The following TP53BP2 variants were observed in gnomAD, a reference collection of about 807,000 sequenced individuals.
The protein encoded by TP53BP2 is tumor protein p53 binding protein 2, also known as apoptosis-stimulating of p53 protein 2.
A neutral mutation model predicts 126.2 loss-of-function variants in TP53BP2; 62 were observed. The ratio of observed to expected loss-of-function variants is 0.49; its 90% confidence interval spans 0.40 to 0.61. TP53BP2 has a LOEUF of 0.61. Ranked by LOEUF, TP53BP2 falls within the 20% of genes least tolerant of loss-of-function variation. The probability of loss-of-function intolerance (pLI) is 0.00; values close to 1 mark genes in which losing one functional copy is unlikely to be tolerated. For synonymous variants in TP53BP2, 485 were observed against 502.9 expected, an observed-to-expected ratio of 0.96 and a Z score of 0.48; for missense variants, 1,215 against 1,402.8, an observed-to-expected ratio of 0.87 and a Z score of 2.14.
intron 1 of TP53BP2, among the ~76,000 whole-genome samples, chr1:223,831,097 CAAA>C (rs112287768): frequency 6.6e-6 from 1 of 150,998 alleles, no homozygotes. Flanking sequence ...GACTCTTTCT[CAAA>C]AAGCAGGCAG....
chr1:223,825,139 A>G (rs887164114), intron 1 of TP53BP2, among the ~76,000 whole-genome samples: 4 of 151,936 alleles, frequency 2.6e-5, no homozygotes, highest in African/African-American at 9.7e-5. Flanking sequence ...CATTTTTATT[A>G]TCTGCCTTTC....
chr1:223,794,055 G>T (rs115967863), intron 13 of TP53BP2, among the ~76,000 whole-genome samples: 2 of 151,954 alleles, frequency 1.3e-5, no homozygotes, highest in East Asian at 3.8e-4. Context: ...ATGCCTCCTC[G>T]GGGGAAAGCA....
At position 223,812,528 on chromosome 1, in the gene TP53BP2, G is replaced by A. The variant is rs12028843; in HGVS notation, c.289+1712C>T. Among the ~76,000 whole-genome samples the A allele has an allele frequency of 4.2e-3, 643 of 151,796 alleles. 25 individuals are homozygous for A. The East Asian group carries it at 0.1, about 25-fold the overall frequency. On this transcript the variant is annotated intron_variant, in intron 3 of 17. Transcript: ENST00000343537. ...CTCCCAAGTAGCTGGGATTACAGAC[G>A]CCCAGCTAATTTTTGTTTTTTGTTG...
At chr1:223,821,507 G>A in intron 1 of TP53BP2, 140 bp from the exon 2 acceptor site, 1 of 1,141,106 alleles carries the variant, frequency 8.8e-7, no homozygotes, top group Non-Finnish European at 1.3e-6. Context: ...CCCGGCCAAA[G>A]GTGAGGTGTG....
In TP53BP2 at chr1:223,795,803, T is replaced by C. The variant is rs1662297504; in HGVS notation, c.2724+12A>G. ...GACTCCGGAAAAGGCTATGAGATAG[T>C]ACATTACTTACAGGAGGCAGAGAGA... is the stretch of plus-strand genomic sequence containing the variant. On this transcript the variant is annotated intron_variant, in intron 13 of 17. Transcript: ENST00000343537. The C allele has an allele frequency of 6.6e-7, 1 of 1,512,092 alleles. No individual in the cohort carries two copies. Among genetic ancestry groups the C allele is most frequent in the Non-Finnish European group, 8.8e-7 (1 of 1,131,724 alleles). The allele number at this position is 1,512,092 out of a possible 1,614,324, so 93.7% of individuals were successfully genotyped here. A position where few individuals can be genotyped will look rare whatever the true frequency, so the allele number is the denominator to read the frequency against.
chr1:223,808,840 G>C (rs1662815020), intron 4 of TP53BP2, among the ~76,000 whole-genome samples: 1 of 151,316 alleles, frequency 6.6e-6, no homozygotes, highest in South Asian at 2.1e-4. Flanking sequence ...AAGAGACACA[G>C]AGAGCAAATA....
chr1:223,783,836 G>C (rs932292424), intron 17 of TP53BP2, among the ~76,000 whole-genome samples: 32 of 152,218 alleles, frequency 2.1e-4, no homozygotes, highest in African/African-American at 7.7e-4. Flanking sequence ...ATTGATTTCA[G>C]ATGTCACAGG....
At chr1:223,785,318 G>A (rs1161588561) in intron 16 of TP53BP2, among the ~76,000 whole-genome samples, 2 of 152,068 alleles carry the variant, frequency 1.3e-5, no homozygotes, top group East Asian at 3.8e-4. Flanking sequence ...TCTCACTCTG[G>A]GAAAAACTGA....
intron 1 of TP53BP2, among the ~76,000 whole-genome samples, chr1:223,830,013 A>G (rs1038837906): frequency 6.6e-5 from 10 of 152,216 alleles, no homozygotes; most frequent in African/African-American, 1.9e-4. Context: ...TCTAAAGCAT[A>G]CTTAAGAGCA....
At chr1:223,821,905 T>C (rs1054164528) in intron 1 of TP53BP2, among the ~76,000 whole-genome samples, 39 of 152,090 alleles carry the variant, frequency 2.6e-4, no homozygotes, top group African/African-American at 8.9e-4. Context: ...CTTTTTTTTT[T>C]TTTGGAGACA....
chr1:223,801,359 G>C (rs1375168978), intron 9 of TP53BP2, among the ~76,000 whole-genome samples: 2 of 152,196 alleles, frequency 1.3e-5, no homozygotes, highest in African/African-American at 4.8e-5. Context: ...TTGCTTCACA[G>C]TAGTAGTTAT....
intron 1 of TP53BP2, among the ~76,000 whole-genome samples, chr1:223,838,116 A>T (rs2102890435): frequency 6.6e-6 from 1 of 152,156 alleles, no homozygotes; most frequent in East Asian, 1.9e-4. Flanking sequence ...TCGCAGTCAC[A>T]TTACCCTTCT....
At position 223,796,501 on chromosome 1, in the gene TP53BP2, G is replaced by C; in HGVS notation, c.2038C>G (p.Pro680Ala). 6.2e-7 allele frequency: 1 copy of C among 1,614,078 alleles called. No individual in the cohort carries two copies. The change falls in exon 13 of 18, where the codon CCA (proline) becomes GCA (alanine). Residue 680 changes from proline to alanine, a missense_variant. Pro to Ala is a conservative substitution (Grantham distance 27). Around this residue, in one of 4 missense-constraint regions of TP53BP2, gnomAD observed 814 missense variants for 853.0 expected, o/e 0.95. Transcript: ENST00000343537. This position sits in a 1 kb window ranked among gnomAD's most constrained non-coding sequence, Gnocchi z 4.2. ...GAAACAGGCTCTGTTTCAGGTTCTGGACTGCCAGGCTTGCCCTGGCTATTG... is the reference window on the plus strand; with the variant it reads ...GAAACAGGCTCTGTTTCAGGTTCTGCACTGCCAGGCTTGCCCTGGCTATTG... ...YSNSQGKPGS[P>A]EPETEPVSSV... is the part of the protein sequence containing the mutation.
Position 223,845,647 on chromosome 1 carries a change from C to T in TP53BP2, c.27+7G>A. 4 of 1,554,170 alleles carry T rather than the reference C, an allele frequency of 2.6e-6. No individual in the cohort carries two copies. Among genetic ancestry groups the T allele is most frequent in the Non-Finnish European group, 3.5e-6 (4 of 1,158,398 alleles). ...GGGCCCGACGCCCTGGCCGCTCGCC[C>T]ACTTACCGGCATCATCTTGGACCCG... On this transcript the variant is annotated splice_region_variant and intron_variant, in intron 1 of 17. Coordinates refer to ENST00000343537, the MANE Select transcript of TP53BP2 (RefSeq NM_001031685.3).
At chr1:223,841,939 GCT>G (rs370557560) in intron 1 of TP53BP2, among the ~76,000 whole-genome samples, 1 of 140,330 alleles carries the variant, frequency 7.1e-6, no homozygotes. Context: ...AGACAGTCTC[GCT>G]CTGTCCCCCA....
chr1:223,795,713 G>A (rs764006334), intron 13 of TP53BP2, 102 bp downstream of exon 13: 46 of 1,147,096 alleles, frequency 4.0e-5, no homozygotes, highest in Non-Finnish European at 5.1e-5. Flanking sequence ...CAAGGGAATC[G>A]TAAAATAAAA....
rs975952819 is a variant in TP53BP2, at chr1:223,822,822, G to T, written c.28-1455C>A. Among the ~76,000 whole-genome samples the T allele has an allele frequency of 4.0e-5, 6 of 151,584 alleles. No homozygotes were observed. In the Admixed American group the frequency reaches 4.0e-4, roughly 10 times the overall value. On this transcript the variant is annotated intron_variant, in intron 1 of 17. Coordinates refer to ENST00000343537, the MANE Select transcript of TP53BP2 (RefSeq NM_001031685.3). The stretch of plus-strand genomic sequence containing the variant: ...TGTTAATTTCCAATGCTGAAGAAAC[G>T]AAGTGAAACAGGAAACAAGTTTTCG...
chr1:223,783,459 C>T (rs1248963596), intron 17 of TP53BP2, among the ~76,000 whole-genome samples: 1 of 152,204 alleles, frequency 6.6e-6, no homozygotes, highest in African/African-American at 2.4e-5. Context: ...CTCGATTACC[C>T]TGATCATTTC....
rs999994026 is a variant in TP53BP2 at position 223,821,159 on chromosome 1, TACA to T, written c.175+58_175+60del. 5.6e-6 allele frequency: 9 copies of T among 1,609,066 alleles called. No individual in the cohort carries two copies. In the African/African-American group the frequency reaches 1.1e-4, roughly 19 times the overall value. On this transcript the variant is annotated intron_variant, in intron 2 of 17. Coordinates refer to ENST00000343537, the MANE Select transcript of TP53BP2 (RefSeq NM_001031685.3). ...ATGAGCATTCACACAGTGCCACGTCTACAAACCAACATTAATAGAAGACAGAAG... is the reference window on the plus strand; with the variant it reads ...ATGAGCATTCACACAGTGCCACGTCTAACCAACATTAATAGAAGACAGAAG...
Sources: gnomAD v4.1 joint callset for allele counts (sites outside exome capture counted in the v4.1 genomes callset) on GRCh38, gnomAD v4.1.1 for gene constraint, gnomAD v4.1.1 regional missense constraint, Gnocchi (gnomAD v3.1) non-coding constraint, MANE v1.5 for transcripts, NCBI Gene and HGNC (gene_info 2026-07-23, HGNC 2026-07-21) for gene names.